Variants in ZNF648 observed in about 807,000 individuals in gnomAD.
ZNF648 encodes the protein zinc finger protein 648.
A neutral mutation model predicts 0.3 loss-of-function variants in ZNF648; 1 was observed. The ratio of observed to expected loss-of-function variants is 3.90; its 90% CI spans 1.39 to 18.51. The LOEUF (loss-of-function observed/expected upper bound fraction) is 18.51, where lower values mean the gene tolerates loss of function less well. Ranked by LOEUF, ZNF648 falls within the 30% of genes most tolerant of loss-of-function variation. The probability of loss-of-function intolerance (pLI) is 0.11; values close to 1 mark genes in which losing one functional copy is unlikely to be tolerated. For synonymous variants in ZNF648, 376 were observed against 326.8 expected (o/e 1.15, Z -1.62); for missense variants, 874 against 769.7 (o/e 1.14, Z -1.60).
chr1:182,060,898 G>A (rs972915577), intron 1 of ZNF648, among the ~76,000 whole-genome samples: 9 of 151,992 alleles, frequency 5.9e-5, no homozygotes, highest in Non-Finnish European at 1.3e-4. Context: ...GACTTTACCC[G>A]CTCCCCACCC....
At chr1:182,059,690 C>T (rs796741573) in intron 1 of ZNF648, among the ~76,000 whole-genome samples, 1 of 151,220 alleles carries the variant, frequency 6.6e-6, no homozygotes, top group East Asian at 1.9e-4. Context: ...CACGGTGAAA[C>T]CCCGTCTCTA....
In ZNF648 at chr1:182,056,817, G is replaced by A. The variant is rs1254117003; in HGVS notation, c.1194C>T (p.Asp398=). 3.9e-6 allele frequency: 6 copies of A among 1,552,384 alleles called. No individual in the cohort carries two copies. Among genetic ancestry groups the A allele is most frequent in the Non-Finnish European group, 5.2e-6 (6 of 1,148,392 alleles). The stretch of plus-strand genomic sequence containing the variant: ...TGCGGCTGGCCACAGCGAACTCCCG[G>A]TCGCAGGCGGGGCAGCGGAAGGGCT... ...GAKPFRCPAC[D]REFAVASRMV... is the part of the protein sequence containing the mutation. Residue 398 remains aspartate, a synonymous_variant, in exon 2 of 2, where the codon GAC becomes GAT. Coordinates refer to ENST00000339948, the MANE Select transcript of ZNF648 (RefSeq NM_001009992.1).
intron 1 of ZNF648, 39 bp from the exon 2 acceptor site, chr1:182,058,112 T>G: frequency 7.1e-7 from 1 of 1,408,656 alleles, no homozygotes; most frequent in Non-Finnish European, 9.6e-7. Flanking sequence ...TCACAAAGAA[T>G]GTACTTAATC....
Position 182,057,179 on chromosome 1 carries a change from G to A in ZNF648, c.832C>T (p.Arg278Cys). 1 of 1,584,164 alleles carries A rather than the reference G, an allele frequency of 6.3e-7. No individual in the cohort carries two copies. ...TTCCCGCATAGCTCGCACGCGTAGCGCTTGGCGGCGCCGCCGCGCGTCTCC... is the reference window on the plus strand; with the variant it reads ...TTCCCGCATAGCTCGCACGCGTAGCACTTGGCGGCGCCGCCGCGCGTCTCC... ...PAETRGGAAK[R>C]YACELCGKAY... Residue 278 changes from arginine to cysteine, a missense_variant, in exon 2 of 2, where the codon CGC (arginine) becomes TGC (cysteine). By Grantham distance (180) the Arg-to-Cys change is radical. Transcript: ENST00000339948.
Position 182,056,804 on chromosome 1 carries a change from C to T in ZNF648, c.1207G>A (p.Val403Met). 1 of 1,545,528 alleles carries T rather than the reference C, an allele frequency of 6.5e-7. No homozygotes were observed. Among genetic ancestry groups the T allele is most frequent in the Non-Finnish European group, 8.7e-7 (1 of 1,146,430 alleles). ...RCPACDREFA[V>M]ASRMVEHQRV... ...TGGTGCTCCACCATGCGGCTGGCCA[C>T]AGCGAACTCCCGGTCGCAGGCGGGG... The change falls in exon 2 of 2, where the codon GTG becomes ATG. Residue 403 changes from valine to methionine, a missense_variant. Coordinates refer to ENST00000339948, the MANE Select transcript of ZNF648 (RefSeq NM_001009992.1).
At position 182,055,893 on chromosome 1, in the gene ZNF648, G is replaced by T. The variant is rs1571275570; in HGVS notation, c.*411C>A. 5.8e-6 allele frequency: 1 copy of T among 172,268 alleles called. No individual in the cohort carries two copies. Among genetic ancestry groups the T allele is most frequent in the East Asian group, 1.6e-4 (1 of 6,068 alleles). 10.7% of individuals were successfully genotyped at this position (172,268 alleles called of 1,614,324 possible). A position where few individuals can be genotyped will look rare whatever the true frequency, so the allele number is the denominator to read the frequency against. Reference sequence around the variant, plus strand: ...TTCTCTAAAGAGGACCAGCCCCTCAGGCCTTCTTTTCAGTATTTGCATATG... The same window carrying T: ...TTCTCTAAAGAGGACCAGCCCCTCATGCCTTCTTTTCAGTATTTGCATATG... On this transcript the variant is annotated 3_prime_UTR_variant, in exon 2 of 2. Transcript: ENST00000339948. The surrounding 1 kb of genome is among the most constrained non-coding windows in gnomAD (Gnocchi z 4.1).
In ZNF648 at chr1:182,056,251, G is replaced by A. The variant is rs758095490; in HGVS notation, c.*53C>T. ...TGACCAGTGAGGCTGGCAATACCAT[G>A]TGAGTGGGCCCACCTGGGAAGGTTC... On this transcript the variant is annotated 3_prime_UTR_variant, in exon 2 of 2. Transcript: ENST00000339948. The A allele has an allele frequency of 2.7e-4, 417 of 1,549,210 alleles. No individual in the cohort carries two copies. Among genetic ancestry groups the A allele is most frequent in the Non-Finnish European group, 3.5e-4 (405 of 1,147,188 alleles).
the ZNF648 span, among the ~76,000 whole-genome samples, chr1:182,068,553 G>A: frequency 1.3e-5 from 2 of 152,178 alleles, no homozygotes; most frequent in African/African-American, 2.4e-5. Context: ...CTCATAGTCT[G>A]GTTTGCTCTG....
chr1:182,056,915 A>C lies in ZNF648; in HGVS notation c.1096T>G (p.Cys366Gly). The change falls in exon 2 of 2, where the codon TGC becomes GGC. Residue 366 changes from cysteine to glycine, a missense_variant. Coordinates refer to ENST00000339948, the MANE Select transcript of ZNF648 (RefSeq NM_001009992.1). Reference protein sequence around the residue: ...NMHSNNKPFPCSECGLTFNKP... With the variant: ...NMHSNNKPFPGSECGLTFNKP... The stretch of plus-strand genomic sequence containing the variant: ...TTGAAGGTCAGGCCGCACTCGGAGC[A>C]CGGGAAGGGCTTATTGTTGCTGTGC... The C allele has an allele frequency of 6.2e-7, 1 of 1,603,020 alleles. No individual in the cohort carries two copies. The highest frequency in any genetic ancestry group is 1.7e-4 in the Middle Eastern group (1 of 6,052).
rs185295283 is a variant in ZNF648, at chr1:182,060,173, G to A, written c.-64+1395C>T. ...CTTTCATTGACCCAGATTGCCCTCC[G>A]CCAAAGAGAGAGGCCAGTGGCTGCC... On this transcript the variant is annotated intron_variant, in intron 1 of 1. Transcript: ENST00000339948. Among the ~76,000 whole-genome samples, 117 of 152,286 alleles carry A rather than the reference G, an allele frequency of 7.7e-4. No individual in the cohort carries two copies. The East Asian group carries it at 0.019, about 25-fold the overall frequency.
Position 182,056,700 on chromosome 1 carries a change from C to G in ZNF648, c.1311G>C (p.Glu437Asp), listed in dbSNP as rs748227659. 1.3e-5 allele frequency: 21 copies of G among 1,598,496 alleles called. No individual in the cohort carries two copies. Among genetic ancestry groups the G allele is most frequent in the Non-Finnish European group, 1.6e-5 (19 of 1,172,656 alleles). The change falls in exon 2 of 2, where the codon GAG becomes GAC. Residue 437 changes from glutamate to aspartate, a missense_variant. By Grantham distance (45) the Glu-to-Asp change is conservative (BLOSUM62 2). Coordinates refer to ENST00000339948, the MANE Select transcript of ZNF648 (RefSeq NM_001009992.1). The part of the protein sequence containing the change: ...KCFTKSSNLS[E>D]HQTLHTGQRP... Reference sequence around the variant, plus strand: ...TCTGGCCGGTGTGCAGCGTCTGGTGCTCGGACAGATTGGAGGACTTGGTGA... The same window carrying G: ...TCTGGCCGGTGTGCAGCGTCTGGTGGTCGGACAGATTGGAGGACTTGGTGA...
Position 182,056,118 on chromosome 1 carries a change from G to C in ZNF648, c.*186C>G. 1.3e-6 allele frequency: 1 copy of C among 758,056 alleles called. No homozygotes were observed. The highest frequency in any genetic ancestry group is 1.9e-5 in the South Asian group (1 of 52,164). 47.0% of individuals were successfully genotyped at this position (758,056 alleles called of 1,614,324 possible). A position where few individuals can be genotyped will look rare whatever the true frequency, so the allele number is the denominator to read the frequency against. On this transcript the variant is annotated 3_prime_UTR_variant, in exon 2 of 2. Coordinates refer to ENST00000339948, the MANE Select transcript of ZNF648 (RefSeq NM_001009992.1). ...ACCTCGGACACTCAGAACCACTGAT[G>C]TGAAACCACCCACCTGGGTGCTCTC...
chr1:182,060,207 C>T (rs1666008641), intron 1 of ZNF648, among the ~76,000 whole-genome samples: 2 of 152,232 alleles, frequency 1.3e-5, no homozygotes, highest in African/African-American at 4.8e-5. Flanking sequence ...CCCATCAGAG[C>T]CAGGACCCAT....
chr1:182,063,764 A>G (rs1666063422), upstream of ZNF648: 1 of 152,298 alleles, frequency 6.6e-6, no homozygotes, highest in South Asian at 2.1e-4. Context: ...TGGCAATTTC[A>G]TAAAATCTTT....
chr1:182,067,656 C>G, the ZNF648 span, among the ~76,000 whole-genome samples: 1 of 152,178 alleles, frequency 6.6e-6, no homozygotes. Flanking sequence ...CCAGCCCTTT[C>G]CAAGCTTCTC....
chr1:182,067,487 G>C, the ZNF648 span, among the ~76,000 whole-genome samples: 3 of 152,164 alleles, frequency 2.0e-5, no homozygotes, highest in African/African-American at 7.2e-5. Context: ...GGGGTAGGAA[G>C]GCACCTCTAC....
In ZNF648 at chr1:182,057,673, G is replaced by A. The variant is rs1665956992; in HGVS notation, c.338C>T (p.Thr113Ile). ...TCTGCTTGCTCCCGGGGAACCCTGG[G>A]TCTCGTTGATCTTTGTCACATCTCT... is the stretch of plus-strand genomic sequence containing the variant. ...WSRDVTKINE[T>I]QGSPGASRAL... Residue 113 changes from threonine to isoleucine, a missense_variant, in exon 2 of 2, where the codon ACC (threonine) becomes ATC (isoleucine). Thr to Ile is a moderately conservative substitution (Grantham distance 89). Transcript: ENST00000339948. 1.2e-6 allele frequency: 2 copies of A among 1,614,214 alleles called. No homozygotes were observed. The highest frequency in any genetic ancestry group is 1.7e-6 in the Non-Finnish European group (2 of 1,180,052).
chr1:182,055,019 T>A lies in ZNF648; in HGVS notation c.*1285A>T, dbSNP rs1177451797. 2 of 152,136 alleles carry A rather than the reference T, an allele frequency of 1.3e-5. No individual in the cohort carries two copies. The highest frequency in any genetic ancestry group is 6.5e-5 in the Admixed American group (1 of 15,274). The allele number at this position is 152,136 out of a possible 1,614,324, so 9.4% of individuals were successfully genotyped here. On this transcript the variant is annotated 3_prime_UTR_variant, in exon 2 of 2. Coordinates refer to ENST00000339948, the MANE Select transcript of ZNF648 (RefSeq NM_001009992.1). This position sits in a 1 kb window ranked among gnomAD's most constrained non-coding sequence, Gnocchi z 4.1. ...AATTTTAGGAATATACTAAAGGTACTCCCCCAAAAAGGGCACTATACCTTC... is the reference window on the plus strand; with the variant it reads ...AATTTTAGGAATATACTAAAGGTACACCCCCAAAAAGGGCACTATACCTTC...
Position 182,056,561 on chromosome 1 carries a change from C to A in ZNF648, c.1450G>T (p.Ala484Ser). The change falls in exon 2 of 2, where the codon GCC becomes TCC. Residue 484 changes from alanine to serine, a missense_variant. Ala to Ser is a moderately conservative substitution (Grantham distance 99). Transcript: ENST00000339948. ...RPFPCTQCGQ[A>S]FARSSTLKRH... is the part of the protein sequence containing the mutation. ...TTCAGGGTCGAAGAGCGGGCAAAGG[C>A]CTGGCCACACTGCGTGCAAGGAAAG... 1 of 1,614,080 alleles carries A rather than the reference C, an allele frequency of 6.2e-7. No homozygotes were observed. The highest frequency in any genetic ancestry group is 8.5e-7 in the Non-Finnish European group (1 of 1,179,986).
Sources: gnomAD v4.1 joint callset for allele counts (sites outside exome capture counted in the v4.1 genomes callset) on GRCh38, gnomAD v4.1.1 for gene constraint, Gnocchi (gnomAD v3.1) non-coding constraint, MANE v1.5 for transcripts, NCBI Gene and HGNC (gene_info 2026-07-23, HGNC 2026-07-21) for gene names.